ZNF676: variants seen among roughly 807,000 people sequenced by gnomAD.
ZNF676 encodes the protein zinc finger protein 676.
A neutral mutation model predicts 6.0 loss-of-function variants in ZNF676; 4 were observed. The observed-to-expected ratio is 0.67, with a 90% CI of 0.33 to 1.53. The LOEUF is 1.53. ZNF676 is among the 40% of genes most tolerant of loss of function. The pLI is 0.06. For synonymous variants in ZNF676, 198 were observed against 223.1 expected (o/e 0.89, Z 1.00); for missense variants, 644 against 679.7 (o/e 0.95, Z 0.58).
chr19:22,203,984 G>C (rs958529003), intron 1 of ZNF676: 2 of 152,096 alleles, frequency 1.3e-5, no homozygotes, highest in African/African-American at 4.8e-5. Flanking sequence ...GAATATATCT[G>C]ACAACTTCCA....
At chr19:22,216,748 C>T (rs1018693042), upstream of ZNF676, among the ~76,000 whole-genome samples, 10 of 151,452 alleles carry the variant, frequency 6.6e-5, no homozygotes, top group African/African-American at 7.3e-5. Context: ...CTCAGCCTCC[C>T]GAGTAGCTGG....
chr19:22,219,835 T>C (rs2024229750), upstream of ZNF676, among the ~76,000 whole-genome samples: 1 of 151,814 alleles, frequency 6.6e-6, no homozygotes, highest in Non-Finnish European at 1.5e-5. Flanking sequence ...TTTGTATTTT[T>C]GAACAGACGA....
intron 1 of ZNF676, among the ~76,000 whole-genome samples, chr19:22,205,370 A>G (rs2024066733): frequency 6.6e-6 from 1 of 152,166 alleles, no homozygotes; most frequent in South Asian, 2.1e-4. Flanking sequence ...TCTCATCACC[A>G]CATGGCACAT....
chr19:22,204,707 T>C (rs1227213743), intron 1 of ZNF676, among the ~76,000 whole-genome samples: 2 of 152,208 alleles, frequency 1.3e-5, no homozygotes, highest in Non-Finnish European at 2.9e-5. Context: ...CTTAACTTTA[T>C]TAGGCTCTTG....
the ZNF676 span, among the ~76,000 whole-genome samples, chr19:22,221,607 C>A: frequency 2.6e-5 from 4 of 152,026 alleles, no homozygotes; most frequent in Non-Finnish European, 5.9e-5. Flanking sequence ...AAAAATTAGG[C>A]AGGCATGGTG....
chr19:22,202,862 A>G (rs972067000), intron 1 of ZNF676, among the ~76,000 whole-genome samples: 11 of 152,208 alleles, frequency 7.2e-5, no homozygotes, highest in African/African-American at 1.9e-4. Flanking sequence ...CTTGAACCCC[A>G]GGGCCTGCTG....
chr19:22,229,849 C>T, the ZNF676 span, among the ~76,000 whole-genome samples: 1 of 152,160 alleles, frequency 6.6e-6, no homozygotes, highest in Non-Finnish European at 1.5e-5. Context: ...CAGAAAACAA[C>T]ATATGCTGGG....
the ZNF676 span, chr19:22,244,282 T>C: frequency 6.6e-6 from 1 of 152,122 alleles, no homozygotes; most frequent in Admixed American, 6.6e-5. Flanking sequence ...GACCTCGTGA[T>C]TCACCCACCT....
chr19:22,259,061 T>TCAC, the ZNF676 span, among the ~76,000 whole-genome samples: 1 of 151,844 alleles, frequency 6.6e-6, no homozygotes, highest in Non-Finnish European at 1.5e-5. Context: ...CACCAACTCA[T>TCAC]CCTATTGCTG....
the ZNF676 span, among the ~76,000 whole-genome samples, chr19:22,225,102 A>T: frequency 6.6e-6 from 1 of 152,308 alleles, no homozygotes; most frequent in Non-Finnish European, 1.5e-5. Flanking sequence ...ATACCCACTA[A>T]GTAACAACTG....
At chr19:22,204,837 T>G (rs111258903) in intron 1 of ZNF676, among the ~76,000 whole-genome samples, 1,564 of 152,250 alleles carry the variant, frequency 0.01, 21 homozygotes, top group African/African-American at 0.036. Flanking sequence ...TAAAGACAAT[T>G]CTGAGTCAAA....
chr19:22,219,446 A>T (rs1265160825), upstream of ZNF676, among the ~76,000 whole-genome samples: 1 of 152,050 alleles, frequency 6.6e-6, no homozygotes, highest in Non-Finnish European at 1.5e-5. Flanking sequence ...GTACACAATT[A>T]TATCATTGGT....
upstream of ZNF676, among the ~76,000 whole-genome samples, chr19:22,197,200 T>C (rs2023976297): frequency 6.6e-6 from 1 of 151,764 alleles, no homozygotes; most frequent in Non-Finnish European, 1.5e-5. Context: ...CACATGGCTG[T>C]AATCCTAGCT....
the ZNF676 span, among the ~76,000 whole-genome samples, chr19:22,226,969 C>T: frequency 4.6e-5 from 7 of 152,116 alleles, no homozygotes; most frequent in East Asian, 1.9e-4. Flanking sequence ...ATAATAGCAT[C>T]AGCAAATCTG....
At chr19:22,184,826 GAAA>G (rs144833243) in intron 2 of ZNF676, among the ~76,000 whole-genome samples, 2,162 of 52,536 alleles carry the variant, frequency 0.041, 123 homozygotes, top group African/African-American at 0.15. Flanking sequence ...GGGCATCTTT[GAAA>G]AAAAAAAAAA....
chr19:22,238,055 A>G, the ZNF676 span, among the ~76,000 whole-genome samples: 1 of 152,272 alleles, frequency 6.6e-6, no homozygotes, highest in South Asian at 2.1e-4. Flanking sequence ...TGAGTTCATC[A>G]TTTTCTATCA....
rs1389290543 is a variant in ZNF676, at chr19:22,180,203, T to C, written c.1514A>G (p.Tyr505Cys). The part of the protein sequence containing the change: ...HKIIHTGEKR[Y>C]KCEECGKAFS... ...GGCTTTGCCACATTCTTCACATTTGTAGCGTTTCTCTCCAGTATGAATTAT... is the reference window on the plus strand; with the variant it reads ...GGCTTTGCCACATTCTTCACATTTGCAGCGTTTCTCTCCAGTATGAATTAT... The change falls in exon 3 of 3, where the codon TAC becomes TGC. Residue 505 changes from tyrosine to cysteine, a missense_variant. Tyr to Cys is a radical substitution (Grantham distance 194, BLOSUM62 -2). This residue lies in a region of ZNF676 where 306 missense variants were observed against 265.4 expected (regional missense o/e 1.15). Transcript: ENST00000397121. 1 of 1,613,656 alleles carries C rather than the reference T, an allele frequency of 6.2e-7. No individual in the cohort carries two copies. Among genetic ancestry groups the C allele is most frequent in the Non-Finnish European group, 8.5e-7 (1 of 1,179,876 alleles).
the ZNF676 span, among the ~76,000 whole-genome samples, chr19:22,228,787 A>G: frequency 6.6e-6 from 1 of 152,156 alleles, no homozygotes; most frequent in Non-Finnish European, 1.5e-5. Flanking sequence ...AACTAGGAAT[A>G]CAACTTCCAA....
At chr19:22,225,797 C>T in the ZNF676 span, among the ~76,000 whole-genome samples, 1 of 152,096 alleles carries the variant, frequency 6.6e-6, no homozygotes, top group Non-Finnish European at 1.5e-5. Flanking sequence ...TGTTATTCAA[C>T]TTTATTGTTC....
Sources: allele counts gnomAD v4.1 joint callset (sites outside exome capture counted in the v4.1 genomes callset), GRCh38; gene constraint gnomAD v4.1.1; regional missense constraint gnomAD v4.1.1; transcripts MANE v1.5; gene names NCBI Gene and HGNC (gene_info 2026-07-23, HGNC 2026-07-21).